Variants in ARL15 observed in about 807,000 individuals in gnomAD.
The protein encoded by ARL15 is ARF like GTPase 15.
ARL15 carries 19 observed loss-of-function variants against 25.2 expected under a neutral mutation model. The ratio of observed to expected loss-of-function variants is 0.75; its 90% CI spans 0.53 to 1.10. The LOEUF is 1.10. Ranked by LOEUF, ARL15 falls within the 50% of genes least tolerant of loss-of-function variation. The pLI is 0.00. For synonymous variants in ARL15, 94 were observed against 86.8 expected, an observed-to-expected ratio of 1.08 and a Z score of -0.46; for missense variants, 220 against 246.0, an observed-to-expected ratio of 0.89 and a Z score of 0.71.
chr5:53,925,997 C>CTTTTTTTT (rs70986651), intron 4 of ARL15, among the ~76,000 whole-genome samples: 2 of 122,778 alleles, frequency 1.6e-5, no homozygotes, highest in Non-Finnish European at 3.4e-5. Flanking sequence ...TTTTTTCTTT[C>CTTTTTTTT]TTTTTTTTTT....
intron 1 of ARL15, among the ~76,000 whole-genome samples, chr5:54,248,156 T>C (rs903320263): frequency 2.6e-5 from 4 of 152,198 alleles, no homozygotes; most frequent in Non-Finnish European, 5.9e-5. Flanking sequence ...AATGTATATG[T>C]TGAAGCTCCA....
chr5:54,174,785 T>C (rs1290108988), intron 1 of ARL15, among the ~76,000 whole-genome samples: 4 of 152,232 alleles, frequency 2.6e-5, no homozygotes, highest in South Asian at 2.1e-4. Flanking sequence ...TTCTCAGAGA[T>C]AGGTTTATTT....
At chr5:54,216,706 A>C (rs571535433) in intron 1 of ARL15, among the ~76,000 whole-genome samples, 1 of 152,268 alleles carries the variant, frequency 6.6e-6, no homozygotes, top group East Asian at 1.9e-4. Flanking sequence ...TGAGTAAAAA[A>C]ATATAACAGA....
In ARL15 at chr5:53,957,271, T is replaced by C. The variant is rs79759191; in HGVS notation, c.463-70558A>G. On this transcript the variant is annotated intron_variant, in intron 4 of 4. Transcript: ENST00000504924. ...AATAAGACTAAGAGAAGATTTATCA[T>C]TGGACACTATGGGGACCAAAAAGGA... is the stretch of plus-strand genomic sequence containing the variant. 3.7e-4 allele frequency among the ~76,000 whole-genome samples: 56 copies of C among 152,280 alleles called. 1 individual carries two copies. The East Asian group carries it at 9.3e-3, about 25-fold the overall frequency.
intron 1 of ARL15, among the ~76,000 whole-genome samples, chr5:54,306,066 T>C (rs1232467843): frequency 6.6e-6 from 1 of 152,156 alleles, no homozygotes. Context: ...TGCCACAGGT[T>C]CCTCTAGAGC....
rs905534304 is a variant in ARL15 at position 54,158,663 on chromosome 5, A to G, written c.194-4024T>C. On this transcript the variant is annotated intron_variant, in intron 2 of 4. Coordinates refer to ENST00000504924, the MANE Select transcript of ARL15 (RefSeq NM_019087.3). ...GCCGAGGCGGGTGGATCACGAGGTC[A>G]GGAGTTTGAGACCAGCCTGGCCAAG... Among the ~76,000 whole-genome samples, 18 of 152,292 alleles carry G rather than the reference A, an allele frequency of 1.2e-4. No homozygotes were observed. The East Asian group carries it at 3.5e-3, about 29-fold the overall frequency.
At chr5:53,924,773 G>A (rs1183440058) in intron 4 of ARL15, among the ~76,000 whole-genome samples, 1 of 152,130 alleles carries the variant, frequency 6.6e-6, no homozygotes, top group Non-Finnish European at 1.5e-5. Context: ...CCAAGGAGGA[G>A]GTATATACAT....
chr5:54,070,151 G>A (rs1279818845), intron 4 of ARL15, among the ~76,000 whole-genome samples: 1 of 151,146 alleles, frequency 6.6e-6, no homozygotes, highest in East Asian at 2.0e-4. Flanking sequence ...AGCACTTTGG[G>A]AGGCCGAGGC....
At chr5:53,890,387 G>A (rs1232115760) in intron 4 of ARL15, among the ~76,000 whole-genome samples, 1 of 151,924 alleles carries the variant, frequency 6.6e-6, no homozygotes, top group Non-Finnish European at 1.5e-5. Flanking sequence ...ATTTTTTAAG[G>A]CCATTTACTT....
At chr5:54,166,976 T>C (rs1413908207) in intron 2 of ARL15, among the ~76,000 whole-genome samples, 3 of 152,104 alleles carry the variant, frequency 2.0e-5, no homozygotes, top group East Asian at 1.9e-4. Context: ...CAGACAACCA[T>C]CTGAGGTTTT....
chr5:54,090,941 G>A (rs1012217229), intron 4 of ARL15, among the ~76,000 whole-genome samples: 1 of 130,794 alleles, frequency 7.6e-6, no homozygotes, highest in Non-Finnish European at 1.8e-5. Context: ...CAATACAGAT[G>A]TTTTATGGCT....
At chr5:54,142,658 G>A (rs139471102) in intron 3 of ARL15, among the ~76,000 whole-genome samples, 17 of 152,098 alleles carry the variant, frequency 1.1e-4, no homozygotes, top group Admixed American at 4.6e-4. Context: ...CTGTGGTTCC[G>A]GGAGTTGTTA....
At chr5:54,151,564 A>C (rs1305817021) in intron 3 of ARL15, among the ~76,000 whole-genome samples, 1 of 152,194 alleles carries the variant, frequency 6.6e-6, no homozygotes, top group Non-Finnish European at 1.5e-5. Context: ...AATTGATGTG[A>C]ATGAGAATTT....
At chr5:53,979,073 C>G (rs916340583) in intron 4 of ARL15, among the ~76,000 whole-genome samples, 1 of 152,158 alleles carries the variant, frequency 6.6e-6, no homozygotes, top group Non-Finnish European at 1.5e-5. Context: ...GGTCAGGTTA[C>G]TCCTGAGCGC....
At position 54,278,977 on chromosome 5, in the gene ARL15, T is replaced by C. The variant is rs147292957; in HGVS notation, c.48+31455A>G. On this transcript the variant is annotated intron_variant, in intron 1 of 4. Transcript: ENST00000504924. ...AATTTGGTCTTGCTCACTTCAGATA[T>C]GGATTCCTAATATGTAAAATATAAG... 4.5e-3 allele frequency among the ~76,000 whole-genome samples: 692 copies of C among 152,326 alleles called. 6 individuals carry two copies. Among genetic ancestry groups the C allele is most frequent in the African/African-American group, 0.016 (650 of 41,574 alleles).
chr5:53,917,758 G>T (rs1244541089), intron 4 of ARL15, among the ~76,000 whole-genome samples: 1 of 152,098 alleles, frequency 6.6e-6, no homozygotes. Context: ...CATTGCCTCT[G>T]GAAGGCTTTA....
intron 1 of ARL15, among the ~76,000 whole-genome samples, chr5:54,214,938 C>A (rs906608330): frequency 6.6e-6 from 1 of 152,078 alleles, no homozygotes; most frequent in Admixed American, 6.6e-5. Flanking sequence ...TTATTCCCAC[C>A]GCGTTGGGGC....
chr5:54,213,292 C>T (rs1482507307), intron 1 of ARL15, among the ~76,000 whole-genome samples: 1 of 152,126 alleles, frequency 6.6e-6, no homozygotes, highest in Non-Finnish European at 1.5e-5. Context: ...TTTCTTACAA[C>T]AAACTTAAAA....
rs141402299 is a variant in ARL15, at chr5:53,902,781, G to A, written c.463-16068C>T. On this transcript the variant is annotated intron_variant, in intron 4 of 4. Transcript: ENST00000504924. ...TATTCAAGGGATGTGCCTGTCAGCA[G>A]TTTGTCCTCTGGCTACAGCAAGAAG... Among the ~76,000 whole-genome samples the A allele has an allele frequency of 2.4e-3, 372 of 152,290 alleles. 1 individual carries two copies. The highest frequency in any genetic ancestry group is 8.4e-3 in the African/African-American group (348 of 41,540).
Sources: gnomAD v4.1 joint callset for allele counts (sites outside exome capture counted in the v4.1 genomes callset) on GRCh38, gnomAD v4.1.1 for gene constraint, MANE v1.5 for transcripts, NCBI Gene and HGNC (gene_info 2026-07-23, HGNC 2026-07-21) for gene names.